The following ZNF683 variants were observed in gnomAD, a reference collection of about 807,000 sequenced individuals.
ZNF683 encodes zinc finger protein 683, also known as tissue-resident T-cell transcription regulator protein ZNF683.
In ZNF683, 20 loss-of-function variants were observed where a neutral mutation model predicts 31.4. The ratio of observed to expected loss-of-function variants is 0.64; its 90% CI spans 0.45 to 0.93. The LOEUF is 0.93. Among genes scored for constraint, ZNF683 ranks in the 40% least tolerant of loss-of-function variants. The probability of loss-of-function intolerance (pLI) is 0.00; values close to 1 mark genes in which losing one functional copy is unlikely to be tolerated. For missense variants in ZNF683, 621 were observed against 637.2 expected (o/e 0.97, Z 0.27); for synonymous variants, 264 against 267.6 (o/e 0.99, Z 0.13).
At chr1:26,369,911 T>A (rs1356073873) in intron 1 of ZNF683, among the ~76,000 whole-genome samples, 1 of 152,108 alleles carries the variant, frequency 6.6e-6, no homozygotes, top group African/African-American at 2.4e-5. Flanking sequence ...GGAAGATTGC[T>A]TGAGCCTGGA....
chr1:26,374,180 G>T, upstream of ZNF683: 2 of 1,239,366 alleles, frequency 1.6e-6, no homozygotes, highest in Non-Finnish European at 2.1e-6. Flanking sequence ...AGACCCCCAG[G>T]CCACAAGCCC....
chr1:26,364,157 G>A (rs2074456672), intron 4 of ZNF683, among the ~76,000 whole-genome samples: 1 of 152,314 alleles, frequency 6.6e-6, no homozygotes, highest in African/African-American at 2.4e-5. Flanking sequence ...TAAATAAGAA[G>A]CTTAACTTGG....
rs185387165 is a variant in ZNF683 at position 26,372,730 on chromosome 1, G to T, written c.-76C>A. On this transcript the variant is annotated 5_prime_UTR_variant, in exon 1 of 6. Coordinates refer to ENST00000349618, the MANE Select transcript of ZNF683 (RefSeq NM_001114759.3). ...GGTCTGGGTCAAGGCATCTGCTCAG[G>T]TTCCTCAGTTAGAAGACCATGGTCC... The T allele has an allele frequency of 5.7e-6, 7 of 1,232,654 alleles. No homozygotes were observed. In the East Asian group the frequency reaches 2.3e-4, roughly 40 times the overall value. 76.4% of individuals were successfully genotyped at this position (1,232,654 alleles called of 1,614,324 possible).
At chr1:26,364,321 A>G (rs1437001837) in intron 4 of ZNF683, among the ~76,000 whole-genome samples, 2 of 152,180 alleles carry the variant, frequency 1.3e-5, no homozygotes, top group Non-Finnish European at 2.9e-5. Flanking sequence ...AAATGAGACG[A>G]TCTCATAGGC....
At chr1:26,364,011 G>A (rs1371767360) in intron 4 of ZNF683, among the ~76,000 whole-genome samples, 2 of 152,254 alleles carry the variant, frequency 1.3e-5, no homozygotes, top group Non-Finnish European at 2.9e-5. Context: ...CCCCTGCTGG[G>A]CGATGCGGAT....
chr1:26,362,967 A>T, intron 5 of ZNF683, 59 bp downstream of exon 5: 1 of 1,535,554 alleles, frequency 6.5e-7, no homozygotes, highest in Middle Eastern at 1.7e-4. Context: ...CAGCCCTCCA[A>T]GGGCCTAAAA....
intron 3 of ZNF683, among the ~76,000 whole-genome samples, chr1:26,366,725 G>A (rs1166434745): frequency 6.6e-6 from 1 of 152,086 alleles, no homozygotes; most frequent in Non-Finnish European, 1.5e-5. Flanking sequence ...GTGCCATCTC[G>A]GCTCACTGCA....
At position 26,367,647 on chromosome 1, in the gene ZNF683, G is replaced by A. The variant is rs756076916; in HGVS notation, c.265C>T (p.Pro89Ser). The A allele has an allele frequency of 3.1e-6, 5 of 1,612,264 alleles. No homozygotes were observed. The South Asian group carries it at 4.4e-5, about 14-fold the overall frequency. ...DLDLNLCTPQ[P>S]APLGTDLQGL... is the part of the protein sequence containing the mutation. ...TGCAGGTCTGTGCCCAGGGGTGCCG[G>A]CTGTGGGGTGCACAGGTTCAGGTCC... Residue 89 changes from proline (P) to serine (S), a missense_variant, in exon 3 of 6, where the codon CCG becomes TCG. By Grantham distance (74) the Pro-to-Ser change is moderately conservative. Coordinates refer to ENST00000349618, the MANE Select transcript of ZNF683 (RefSeq NM_001114759.3).
chr1:26,372,484 C>T, intron 1 of ZNF683, 185 bp downstream of exon 1: 1 of 1,304,640 alleles, frequency 7.7e-7, no homozygotes, highest in Non-Finnish European at 1.0e-6. Flanking sequence ...TGCAGGCATA[C>T]ATGGACTAGG....
At position 26,364,627 on chromosome 1, in the gene ZNF683, C is replaced by A. The variant is rs373112907; in HGVS notation, c.919G>T (p.Ala307Ser). 3.1e-6 allele frequency: 5 copies of A among 1,613,988 alleles called. No homozygotes were observed. In the South Asian group the frequency reaches 4.4e-5, roughly 14 times the overall value. Residue 307 changes from alanine (A) to serine (S), a missense_variant, in exon 4 of 6, where the codon GCA (alanine) becomes TCA (serine). Physicochemically the swap from Ala to Ser is moderately conservative, Grantham distance 99 (BLOSUM62 1). Coordinates refer to ENST00000349618, the MANE Select transcript of ZNF683 (RefSeq NM_001114759.3). ...RVPLSSQTGT[A>S]ALPYPLKKKN... is the part of the protein sequence containing the mutation. Reference sequence around the variant, plus strand: ...TTTTTCAGCGGGTAAGGCAAGGCTGCGGTGCCTGTCTGGGAACTCAATGGG... The same window carrying A: ...TTTTTCAGCGGGTAAGGCAAGGCTGAGGTGCCTGTCTGGGAACTCAATGGG...
chr1:26,362,755 C>G lies in ZNF683; in HGVS notation c.1143+271G>C, dbSNP rs80132629. ...CTCTGGGTACACTATAGCATTAACT[C>G]CTCCAATAACTCAGGGAGGTAGATA... On this transcript the variant is annotated intron_variant, in intron 5 of 5. Transcript: ENST00000349618. Among the ~76,000 whole-genome samples the G allele has an allele frequency of 7.9e-3, 1,196 of 152,296 alleles. 15 individuals are homozygous for G. Among genetic ancestry groups the G allele is most frequent in the African/African-American group, 0.027 (1,139 of 41,538 alleles).
chr1:26,370,323 T>C (rs1359000155), intron 1 of ZNF683, among the ~76,000 whole-genome samples: 1 of 152,126 alleles, frequency 6.6e-6, no homozygotes, highest in Non-Finnish European at 1.5e-5. Context: ...GAATAAAGCC[T>C]GAATGAGTGG....
intron 2 of ZNF683, among the ~76,000 whole-genome samples, chr1:26,368,010 G>A (rs1308282135): frequency 6.6e-6 from 1 of 152,006 alleles, no homozygotes; most frequent in Non-Finnish European, 1.5e-5. Context: ...CCCTCCTCCT[G>A]TCCCCAGGGC....
At chr1:26,374,190 C>A, upstream of ZNF683, 1 of 1,272,216 alleles carries the variant, frequency 7.9e-7, no homozygotes, top group South Asian at 1.3e-5. Context: ...GCCACAAGCC[C>A]GCCTCCCCTG....
intron 1 of ZNF683, chr1:26,372,428 C>T (rs558683619): frequency 7.9e-6 from 10 of 1,267,964 alleles, no homozygotes; most frequent in African/African-American, 4.6e-5. Context: ...TTATAAAAGC[C>T]GAAATGGCCA....
chr1:26,374,365 G>A, upstream of ZNF683: 4 of 1,287,080 alleles, frequency 3.1e-6, no homozygotes, highest in African/African-American at 3.1e-5. Flanking sequence ...CTCTCTGTTA[G>A]AAAAAAATAA....
intron 3 of ZNF683, among the ~76,000 whole-genome samples, chr1:26,366,945 C>T (rs577037482): frequency 4.6e-5 from 7 of 152,290 alleles, no homozygotes; most frequent in East Asian, 1.9e-4. Context: ...CATGAGCCAC[C>T]GTGCCCGGCC....
intron 5 of ZNF683, 73 bp downstream of exon 5, chr1:26,362,953 G>T: frequency 1.3e-6 from 2 of 1,506,636 alleles, no homozygotes; most frequent in South Asian, 1.2e-5. Context: ...GAGGCTGCAG[G>T]TGCCAGCCCT....
intron 1 of ZNF683, chr1:26,370,824 TG>T: frequency 1.4e-6 from 1 of 717,266 alleles, no homozygotes; most frequent in Non-Finnish European, 1.7e-6. Flanking sequence ...CAGGCAGGCT[TG>T]GGGGCCCTGC....
Sources: gnomAD v4.1 joint callset for allele counts (sites outside exome capture counted in the v4.1 genomes callset) on GRCh38, gnomAD v4.1.1 for gene constraint, MANE v1.5 for transcripts, NCBI Gene and HGNC (gene_info 2026-07-23, HGNC 2026-07-21) for gene names.